The following TRAPPC3L variants were observed in gnomAD, a reference collection of about 807,000 sequenced individuals.
TRAPPC3L encodes trafficking protein particle complex subunit 3-like protein.
Under a neutral mutation model 23.7 loss-of-function variants are expected in TRAPPC3L, and 23 were observed. That is an observed-to-expected ratio of 0.97 (90% CI 0.70 to 1.37). The LOEUF (loss-of-function observed/expected upper bound fraction) is 1.37, where lower values mean the gene tolerates loss of function less well. TRAPPC3L is among the 40% of genes most tolerant of loss of function. The probability of loss-of-function intolerance (pLI) is 0.00; values close to 1 mark genes in which losing one functional copy is unlikely to be tolerated. For synonymous variants in TRAPPC3L, 81 were observed against 77.9 expected (o/e 1.04, Z -0.21); for missense variants, 212 against 216.8 (o/e 0.98, Z 0.14).
At chr6:116,529,185 T>A (rs752176969) in intron 3 of TRAPPC3L, 1 of 152,214 alleles carries the variant, frequency 6.6e-6, no homozygotes, top group Non-Finnish European at 1.5e-5. Context: ...TTCAGCTCTG[T>A]GCGTGGTAAG....
At chr6:116,497,964 A>T (rs1771857879) in intron 4 of TRAPPC3L, among the ~76,000 whole-genome samples, 1 of 152,222 alleles carries the variant, frequency 6.6e-6, no homozygotes. Flanking sequence ...CCATTAGTGT[A>T]CCAAATTATC....
chr6:116,506,499 C>T (rs4945557), intron 3 of TRAPPC3L, among the ~76,000 whole-genome samples: 62,692 of 151,954 alleles, frequency 0.41, 13,781 homozygotes, highest in East Asian at 0.56. Flanking sequence ...TTTGACCCAG[C>T]GATCCCATTA....
chr6:116,529,509 C>A (rs1772568676), intron 3 of TRAPPC3L, among the ~76,000 whole-genome samples: 1 of 152,160 alleles, frequency 6.6e-6, no homozygotes, highest in Non-Finnish European at 1.5e-5. Context: ...GTAGACAGAG[C>A]ACTGTGCTGC....
At chr6:116,513,053 C>G (rs900434152) in intron 3 of TRAPPC3L, among the ~76,000 whole-genome samples, 1 of 152,060 alleles carries the variant, frequency 6.6e-6, no homozygotes, top group Admixed American at 6.6e-5. Flanking sequence ...GACTAACTTC[C>G]CATTTATAGG....
chr6:116,538,579 T>C (rs1043812467), intron 3 of TRAPPC3L, among the ~76,000 whole-genome samples: 2 of 152,228 alleles, frequency 1.3e-5, no homozygotes, highest in African/African-American at 2.4e-5. Flanking sequence ...GTCTCCAAAT[T>C]GCCCTTGAAA....
At chr6:116,529,279 TG>T in intron 3 of TRAPPC3L, 1 of 152,378 alleles carries the variant, frequency 6.6e-6, no homozygotes, top group South Asian at 2.1e-4. Flanking sequence ...ATCTTTTGGC[TG>T]GGGTGGGAGG....
chr6:116,521,072 A>T (rs980145637), intron 3 of TRAPPC3L: 15 of 151,684 alleles, frequency 9.9e-5, no homozygotes. Context: ...ATACATACAT[A>T]CATATATATG....
intron 3 of TRAPPC3L, among the ~76,000 whole-genome samples, chr6:116,525,148 C>T (rs1229960895): frequency 6.6e-6 from 1 of 152,194 alleles, no homozygotes; most frequent in Non-Finnish European, 1.5e-5. Flanking sequence ...TATGTTCCCT[C>T]ATTTGTAAAA....
chr6:116,512,173 C>G (rs1772135767), intron 3 of TRAPPC3L: 5 of 1,611,580 alleles, frequency 3.1e-6, no homozygotes, highest in South Asian at 1.1e-5. Context: ...TATCTTGTGG[C>G]AAAACTAGCA....
At chr6:116,518,916 G>A (rs1418843864) in intron 3 of TRAPPC3L, 1 of 152,214 alleles carries the variant, frequency 6.6e-6, no homozygotes, top group Non-Finnish European at 1.5e-5. Flanking sequence ...TCTGGAAGAA[G>A]CCACTTAACA....
At chr6:116,522,476 G>A (rs1040083069) in intron 3 of TRAPPC3L, 6 of 152,188 alleles carry the variant, frequency 3.9e-5, no homozygotes, top group Non-Finnish European at 8.8e-5. Flanking sequence ...TGCATAGAGA[G>A]CATTTTCTTC....
chr6:116,527,803 T>G (rs905650502), intron 3 of TRAPPC3L, among the ~76,000 whole-genome samples: 1 of 152,144 alleles, frequency 6.6e-6, no homozygotes, highest in Non-Finnish European at 1.5e-5. Context: ...ATTCAAAACT[T>G]CTCCCCTAGG....
chr6:116,519,931 A>C (rs1772299041), intron 3 of TRAPPC3L: 1 of 133,228 alleles, frequency 7.5e-6, no homozygotes, highest in African/African-American at 2.5e-5. Context: ...ATTCATATCA[A>C]ATATAAAGTG....
At position 116,500,573 on chromosome 6, in the gene TRAPPC3L, G is replaced by T. The variant is rs1031888173; in HGVS notation, c.334C>A (p.Leu112Met). The T allele has an allele frequency of 2.6e-6, 4 of 1,551,600 alleles. No homozygotes were observed. The South Asian group carries it at 3.6e-5, about 14-fold the overall frequency. Residue 112 changes from leucine (L) to methionine (M), a missense_variant, in exon 4 of 5, where the codon CTG (leucine) becomes ATG (methionine). Physicochemically the swap from Leu to Met is conservative, Grantham distance 15. Transcript: ENST00000368602. Reference sequence around the variant, plus strand: ...GGGAGCTCTTCCACAAACTCCACCAGGGGATTCTTCTCTAGAATCAGGGAA... The same window carrying T: ...GGGAGCTCTTCCACAAACTCCACCATGGGATTCTTCTCTAGAATCAGGGAA... ...EFSLILEKNP[L>M]VEFVEELPAG...
intron 3 of TRAPPC3L, chr6:116,512,008 T>C: frequency 1.2e-6 from 2 of 1,614,020 alleles, no homozygotes; most frequent in Non-Finnish European, 1.7e-6. Context: ...GCCAGATCAC[T>C]CTGAGCTCAT....
rs1583262365 is a variant in TRAPPC3L, at chr6:116,495,899, T to C, written c.*1055A>G. 6.6e-6 allele frequency: 1 copy of C among 152,174 alleles called. No homozygotes were observed. The highest frequency in any genetic ancestry group is 2.4e-5 in the African/African-American group (1 of 41,446). The allele number at this position is 152,174 out of a possible 1,614,324, so 9.4% of individuals were successfully genotyped here. The stretch of plus-strand genomic sequence containing the variant: ...TTTAATTTTTTCCTATGGAGTTGGT[T>C]GAACTCCTTATATATTCTGGTTATT... On this transcript the variant is annotated 3_prime_UTR_variant, in exon 5 of 5. Transcript: ENST00000368602.
intron 3 of TRAPPC3L, among the ~76,000 whole-genome samples, chr6:116,532,613 T>C (rs975477923): frequency 1.1e-4 from 17 of 152,246 alleles, no homozygotes; most frequent in Non-Finnish European, 2.4e-4. Flanking sequence ...TTTACTAGTA[T>C]TATCATAACT....
intron 3 of TRAPPC3L, among the ~76,000 whole-genome samples, chr6:116,510,448 AT>A (rs34882629): frequency 6.0e-5 from 9 of 150,602 alleles, no homozygotes; most frequent in African/African-American, 2.0e-4. Context: ...AGCCTGGCTA[AT>A]TTTTTTTTGG....
At chr6:116,542,882 A>G (rs535280370) in intron 2 of TRAPPC3L, among the ~76,000 whole-genome samples, 1 of 152,224 alleles carries the variant, frequency 6.6e-6, no homozygotes, top group South Asian at 2.1e-4. Flanking sequence ...AGTTTCTTGT[A>G]TATCTTTCAA....
Sources: gnomAD v4.1 joint callset for allele counts (sites outside exome capture counted in the v4.1 genomes callset) on GRCh38, gnomAD v4.1.1 for gene constraint, MANE v1.5 for transcripts, NCBI Gene and HGNC (gene_info 2026-07-23, HGNC 2026-07-21) for gene names.